The following TBC1D10A variants were observed in gnomAD, a reference collection of about 807,000 sequenced individuals.
TBC1D10A encodes TBC1 domain family member 10A.
A neutral mutation model predicts 52.9 loss-of-function variants in TBC1D10A; 24 were observed. The ratio of observed to expected loss-of-function variants is 0.45; its 90% CI spans 0.33 to 0.64. TBC1D10A has a LOEUF of 0.64. Ranked by LOEUF, TBC1D10A falls within the 30% of genes least tolerant of loss-of-function variation. The pLI is 0.02. For missense variants in TBC1D10A, 602 were observed against 687.9 expected, an observed-to-expected ratio of 0.88 and a Z score of 1.40; for synonymous variants, 278 against 282.9, an observed-to-expected ratio of 0.98 and a Z score of 0.17.
chr22:30,320,342 C>G (rs1001988035), intron 1 of TBC1D10A, among the ~76,000 whole-genome samples: 5 of 152,032 alleles, frequency 3.3e-5, no homozygotes, highest in Non-Finnish European at 7.4e-5. Flanking sequence ...CTGCTCTGCC[C>G]TCCATACTGG....
chr22:30,313,374 T>TGTGC (rs1028835203), intron 1 of TBC1D10A, among the ~76,000 whole-genome samples: 8 of 124,644 alleles, frequency 6.4e-5, no homozygotes, highest in African/African-American at 2.2e-4. Context: ...TGTGTGTGTG[T>TGTGC]GTGTGTGTGT....
At chr22:30,293,483 G>C (rs1411308737) in intron 8 of TBC1D10A, 168 bp downstream of exon 8, 1 of 1,026,678 alleles carries the variant, frequency 9.7e-7, no homozygotes, top group Non-Finnish European at 1.5e-6. Context: ...TGTGCCCCAT[G>C]CTCTTCACCA....
intron 1 of TBC1D10A, among the ~76,000 whole-genome samples, chr22:30,314,853 C>CA (rs1601678756): frequency 6.6e-6 from 1 of 150,532 alleles, no homozygotes; most frequent in Non-Finnish European, 1.5e-5. Context: ...AAAAAACCCA[C>CA]AAAAAACCCA....
chr22:30,317,517 C>T (rs183656963), intron 1 of TBC1D10A, among the ~76,000 whole-genome samples: 3 of 151,930 alleles, frequency 2.0e-5, no homozygotes, highest in South Asian at 4.1e-4. Flanking sequence ...TCCAGATCTC[C>T]GTTCAGCAGT....
intron 1 of TBC1D10A, among the ~76,000 whole-genome samples, chr22:30,323,697 G>A (rs1930706063): frequency 6.6e-6 from 1 of 152,160 alleles, no homozygotes; most frequent in African/African-American, 2.4e-5. Context: ...CAGGCATGGT[G>A]GCTCATGCCT....
In TBC1D10A at chr22:30,326,766, C is replaced by T; in HGVS notation, c.116G>A (p.Ser39Asn). The T allele has an allele frequency of 2.0e-6, 3 of 1,516,592 alleles. No individual in the cohort carries two copies. Among genetic ancestry groups the T allele is most frequent in the Non-Finnish European group, 2.7e-6 (3 of 1,128,766 alleles). 93.9% of individuals were successfully genotyped at this position (1,516,592 alleles called of 1,614,324 possible). ...GPDAATTDEL[S>N]SLGSDSEANG... ...GGCCTCCGAGTCAGACCCGAGAGAGCTGAGTTCGTCGGTGGTTGCGGCGTC... is the reference window on the plus strand; with the variant it reads ...GGCCTCCGAGTCAGACCCGAGAGAGTTGAGTTCGTCGGTGGTTGCGGCGTC... Residue 39 changes from serine (S) to asparagine (N), a missense_variant, in exon 1 of 9, where the codon AGC (serine) becomes AAC (asparagine). Around this residue, in one of 3 missense-constraint regions of TBC1D10A, gnomAD observed 201 missense variants for 204.4 expected, o/e 0.98. Coordinates refer to ENST00000215790, the MANE Select transcript of TBC1D10A (RefSeq NM_031937.3).
chr22:30,295,152 C>T (rs1294393930), intron 4 of TBC1D10A, 97 bp from the exon 5 acceptor site: 2 of 1,221,024 alleles, frequency 1.6e-6, no homozygotes, highest in Non-Finnish European at 2.3e-6. Flanking sequence ...TCAGAATCTG[C>T]CCCTCCCTTG....
intron 8 of TBC1D10A, chr22:30,293,063 G>C: frequency 1.6e-6 from 1 of 627,676 alleles, no homozygotes; most frequent in Non-Finnish European, 2.8e-6. Context: ...CACCGCCTCA[G>C]AGGATAAAGC....
intron 1 of TBC1D10A, among the ~76,000 whole-genome samples, chr22:30,308,319 CCTGCA>C (rs1930357650): frequency 2.1e-5 from 3 of 141,694 alleles, no homozygotes; most frequent in East Asian, 2.0e-4. Context: ...TGCCTGCATG[CCTGCA>C]TGCCTGCATG....
At chr22:30,319,741 T>C (rs1468810201) in intron 1 of TBC1D10A, among the ~76,000 whole-genome samples, 1 of 152,180 alleles carries the variant, frequency 6.6e-6, no homozygotes, top group Non-Finnish European at 1.5e-5. Flanking sequence ...TACAGTGTTC[T>C]CCCTGCTGGA....
At chr22:30,299,405 A>C in intron 3 of TBC1D10A, 39 bp downstream of exon 3, 1 of 1,597,938 alleles carries the variant, frequency 6.3e-7, no homozygotes, top group Non-Finnish European at 8.6e-7. Flanking sequence ...ACGCCAAGAG[A>C]TGCGGAAGGG....
intron 1 of TBC1D10A, among the ~76,000 whole-genome samples, chr22:30,306,532 T>C (rs536109078): frequency 1.3e-5 from 2 of 152,108 alleles, no homozygotes; most frequent in East Asian, 3.9e-4. Flanking sequence ...TTCAGAAGAG[T>C]ACAAAACAAA....
Position 30,326,878 on chromosome 22 carries a change from C to T in TBC1D10A, c.4G>A (p.Ala2Thr). The T allele has an allele frequency of 6.7e-7, 1 of 1,491,238 alleles. No homozygotes were observed. The highest frequency in any genetic ancestry group is 8.8e-7 in the Non-Finnish European group (1 of 1,129,980). The allele number at this position is 1,491,238 out of a possible 1,614,324, so 92.4% of individuals were successfully genotyped here. The stretch of plus-strand genomic sequence containing the variant: ...GGCCCATTCTCTCCGTTGCTCTTCG[C>T]CATCCCAGCCGCGCCCGCCGCCTGA... M[A>T]KSNGENGPRA... The change falls in exon 1 of 9, where the codon GCG becomes ACG. Residue 2 changes from alanine (A) to threonine (T), a missense_variant. Coordinates refer to ENST00000215790, the MANE Select transcript of TBC1D10A (RefSeq NM_031937.3).
In TBC1D10A at chr22:30,293,913, C is replaced by T; in HGVS notation, c.895+8G>A. The T allele has an allele frequency of 8.7e-6, 14 of 1,611,994 alleles. No individual in the cohort carries two copies. Among genetic ancestry groups the T allele is most frequent in the Non-Finnish European group, 1.1e-5 (13 of 1,178,224 alleles). On this transcript the variant is annotated splice_region_variant and intron_variant, in intron 7 of 8. Transcript: ENST00000215790. ...ACAGGGGTGCTCCCCCCAAGCCCAG[C>T]CCAGTACCTTCACAGAAGAACATGT...
intron 1 of TBC1D10A, among the ~76,000 whole-genome samples, chr22:30,317,140 G>A (rs932497666): frequency 6.6e-6 from 1 of 152,218 alleles, no homozygotes; most frequent in African/African-American, 2.4e-5. Context: ...CGGCATGGTG[G>A]CTCATGCCTG....
intron 1 of TBC1D10A, among the ~76,000 whole-genome samples, chr22:30,312,557 AAG>A (rs1405289313): frequency 1.3e-5 from 2 of 152,160 alleles, no homozygotes; most frequent in African/African-American, 4.8e-5. Context: ...ACAGAAAACA[AAG>A]AACAATAACA....
At chr22:30,295,352 G>T (rs1930054551) in intron 4 of TBC1D10A, among the ~76,000 whole-genome samples, 1 of 152,188 alleles carries the variant, frequency 6.6e-6, no homozygotes, top group African/African-American at 2.4e-5. Context: ...GGAAGTAGGG[G>T]CCCCTCACTC....
chr22:30,295,436 C>T (rs1930056815), intron 4 of TBC1D10A, among the ~76,000 whole-genome samples: 2 of 152,196 alleles, frequency 1.3e-5, no homozygotes, highest in African/African-American at 4.8e-5. Context: ...CCCTATCTCT[C>T]CCCTGCATAC....
Position 30,292,307 on chromosome 22 carries a change from G to A in TBC1D10A, c.*68C>T, listed in dbSNP as rs1929959610. The A allele has an allele frequency of 1.4e-6, 2 of 1,393,904 alleles. No homozygotes were observed. Among genetic ancestry groups the A allele is most frequent in the Non-Finnish European group, 1.9e-6 (2 of 1,036,836 alleles). 86.3% of individuals were successfully genotyped at this position (1,393,904 alleles called of 1,614,324 possible). The stretch of plus-strand genomic sequence containing the variant: ...TTGGCCCTCAGAGGGTGGGCAGGAT[G>A]TGGAATGTCAGTTCATGAACCGTGT... On this transcript the variant is annotated 3_prime_UTR_variant, in exon 9 of 9. Coordinates refer to ENST00000215790, the MANE Select transcript of TBC1D10A (RefSeq NM_031937.3).
Sources: gnomAD v4.1 joint callset for allele counts (sites outside exome capture counted in the v4.1 genomes callset) on GRCh38, gnomAD v4.1.1 for gene constraint, gnomAD v4.1.1 regional missense constraint, MANE v1.5 for transcripts, NCBI Gene and HGNC (gene_info 2026-07-23, HGNC 2026-07-21) for gene names.